CWC27: variants seen among roughly 807,000 people sequenced by gnomAD.
The protein encoded by CWC27 is spliceosome-associated protein CWC27 homolog.
Under a neutral mutation model 63.6 loss-of-function variants are expected in CWC27, and 47 were observed. The observed-to-expected ratio is 0.74, with a 90% confidence interval of 0.58 to 0.94. The LOEUF is 0.94. Among genes scored for constraint, CWC27 ranks in the 40% least tolerant of loss-of-function variants. The pLI is 0.00. For missense variants in CWC27, 495 were observed against 554.3 expected (o/e 0.89, Z 1.07); for synonymous variants, 175 against 179.8 (o/e 0.97, Z 0.22).
chr5:64,861,033 T>C (rs1188956106), intron 10 of CWC27, among the ~76,000 whole-genome samples: 1 of 152,138 alleles, frequency 6.6e-6, no homozygotes, highest in Admixed American at 6.5e-5. Context: ...GCTCCTCAAA[T>C]GGTTAGGAGC....
intron 11 of CWC27, among the ~76,000 whole-genome samples, chr5:64,951,357 G>A (rs1748705905): frequency 6.6e-6 from 1 of 151,698 alleles, no homozygotes; most frequent in African/African-American, 2.4e-5. Flanking sequence ...GCTTAAATCA[G>A]GTTGTCTTTT....
chr5:64,959,783 G>C (rs924503288), intron 11 of CWC27, among the ~76,000 whole-genome samples: 1 of 152,112 alleles, frequency 6.6e-6, no homozygotes, highest in South Asian at 2.1e-4. Context: ...TGTAATTCAG[G>C]ACCTAAAAAT....
At chr5:64,823,379 A>T (rs898554868) in intron 10 of CWC27, among the ~76,000 whole-genome samples, 1 of 152,218 alleles carries the variant, frequency 6.6e-6, no homozygotes, top group African/African-American at 2.4e-5. Context: ...TATTAAGCCT[A>T]TATGGCAACC....
At chr5:64,991,568 G>A (rs554897342) in intron 13 of CWC27, among the ~76,000 whole-genome samples, 27 of 152,066 alleles carry the variant, frequency 1.8e-4, no homozygotes, top group Admixed American at 3.3e-4. Context: ...CTACAAAACA[G>A]ATTTAAAATT....
At chr5:64,817,766 A>G (rs184202656) in intron 10 of CWC27, among the ~76,000 whole-genome samples, 6 of 152,260 alleles carry the variant, frequency 3.9e-5, no homozygotes, top group African/African-American at 1.4e-4. Flanking sequence ...ATATAGCTAT[A>G]CCATGAGTCT....
At chr5:64,979,741 T>C (rs1440370502) in intron 13 of CWC27, among the ~76,000 whole-genome samples, 2 of 152,208 alleles carry the variant, frequency 1.3e-5, no homozygotes, top group Non-Finnish European at 2.9e-5. Context: ...GGGTCTGTTA[T>C]CTGAGGTAAA....
intron 11 of CWC27, among the ~76,000 whole-genome samples, chr5:64,919,980 C>G (rs1747965626): frequency 6.6e-6 from 1 of 152,228 alleles, no homozygotes; most frequent in African/African-American, 2.4e-5. Context: ...TTTGAGAAAT[C>G]TCCACAATGC....
intron 10 of CWC27, among the ~76,000 whole-genome samples, chr5:64,872,273 C>T (rs1207931455): frequency 6.6e-6 from 1 of 152,126 alleles, no homozygotes; most frequent in African/African-American, 2.4e-5. Flanking sequence ...TGAATAGATG[C>T]TCATGATAGA....
chr5:64,769,171 C>T lies in CWC27; in HGVS notation c.25C>T (p.Pro9Ser). Residue 9 changes from proline to serine, a missense_variant, in exon 1 of 14, where the codon CCT becomes TCT. Transcript: ENST00000381070. ...GATGAGCAACATCTACATCCAGGAGCCTCCCACGAATGGGAAGGTGAGAGC... is the reference window on the plus strand; with the variant it reads ...GATGAGCAACATCTACATCCAGGAGTCTCCCACGAATGGGAAGGTGAGAGC... Reference protein sequence around the residue: MSNIYIQEPPTNGKVLLKT... With the variant: MSNIYIQESPTNGKVLLKT... 6.2e-7 allele frequency: 1 copy of T among 1,614,048 alleles called. No homozygotes were observed. Among genetic ancestry groups the T allele is most frequent in the Non-Finnish European group, 8.5e-7 (1 of 1,179,976 alleles).
chr5:64,941,843 G>T (rs1311716593), intron 11 of CWC27, among the ~76,000 whole-genome samples: 1 of 152,004 alleles, frequency 6.6e-6, no homozygotes, highest in Non-Finnish European at 1.5e-5. Context: ...CTCCAATTTG[G>T]AGGCTGAGAA....
Position 64,884,968 on chromosome 5 carries a change from T to A in CWC27, c.939-475T>A, listed in dbSNP as rs562119470. Among the ~76,000 whole-genome samples the A allele has an allele frequency of 7.2e-5, 11 of 152,238 alleles. No homozygotes were observed. In the East Asian group the frequency reaches 2.1e-3, roughly 29 times the overall value. On this transcript the variant is annotated intron_variant, in intron 10 of 13. Coordinates refer to ENST00000381070, the MANE Select transcript of CWC27 (RefSeq NM_005869.4). ...AACTTGGGTTTAAAAATCAAATGAG[T>A]TAAAAGTTTGTAGCGTGACACCTAC...
chr5:65,003,121 T>A (rs1749764775), intron 13 of CWC27, among the ~76,000 whole-genome samples: 1 of 152,220 alleles, frequency 6.6e-6, no homozygotes. Flanking sequence ...ACTGTTTGGT[T>A]TCTGTTTGTG....
At chr5:64,837,717 G>T (rs1385523046) in intron 10 of CWC27, among the ~76,000 whole-genome samples, 1 of 151,480 alleles carries the variant, frequency 6.6e-6, no homozygotes, top group African/African-American at 2.4e-5. Flanking sequence ...CCTCACGGGG[G>T]TCTCTCTTAT....
At chr5:65,008,672 C>T (rs996268679) in intron 13 of CWC27, among the ~76,000 whole-genome samples, 9 of 152,160 alleles carry the variant, frequency 5.9e-5, no homozygotes, top group Admixed American at 5.2e-4. Flanking sequence ...TTTTTGTTTA[C>T]TTTTTCTTCT....
At chr5:64,858,125 G>GA (rs1746301186) in intron 10 of CWC27, among the ~76,000 whole-genome samples, 2 of 84,498 alleles carry the variant, frequency 2.4e-5, no homozygotes, top group South Asian at 1.0e-3. Flanking sequence ...GCGACAGAGC[G>GA]AGACTCCGTC....
chr5:64,769,059 G>GT lies in CWC27; in HGVS notation c.-88_-87insT. 1.8e-6 allele frequency: 2 copies of GT among 1,081,122 alleles called. No individual in the cohort carries two copies. The highest frequency in any genetic ancestry group is 2.9e-6 in the Non-Finnish European group (2 of 700,484). 67.0% of individuals were successfully genotyped at this position (1,081,122 alleles called of 1,614,324 possible). A position where few individuals can be genotyped will look rare whatever the true frequency, so the allele number is the denominator to read the frequency against. On this transcript the variant is annotated 5_prime_UTR_variant, in exon 1 of 14. Coordinates refer to ENST00000381070, the MANE Select transcript of CWC27 (RefSeq NM_005869.4). ...GCTTTCCTGCACCACTGGACTTAAG[G>GT]AAGAGTGTACTCGTAGGCGGACAGC...
At chr5:64,980,641 C>A (rs931406934) in intron 13 of CWC27, among the ~76,000 whole-genome samples, 3 of 152,152 alleles carry the variant, frequency 2.0e-5, no homozygotes, top group Non-Finnish European at 4.4e-5. Context: ...GTATAATGGT[C>A]TGTCTGCCTT....
intron 11 of CWC27, among the ~76,000 whole-genome samples, chr5:64,946,491 C>T (rs1748594981): frequency 1.3e-5 from 2 of 152,100 alleles, no homozygotes; most frequent in Non-Finnish European, 2.9e-5. Context: ...AATAGATGTG[C>T]ATATTCACAA....
intron 9 of CWC27, among the ~76,000 whole-genome samples, chr5:64,801,989 A>G (rs1164611621): frequency 6.6e-6 from 1 of 152,208 alleles, no homozygotes; most frequent in African/African-American, 2.4e-5. Context: ...AAGGCTCTCT[A>G]TGGCTATCAG....
Sources: allele counts gnomAD v4.1 joint callset (sites outside exome capture counted in the v4.1 genomes callset), GRCh38; gene constraint gnomAD v4.1.1; transcripts MANE v1.5; gene names NCBI Gene and HGNC (gene_info 2026-07-23, HGNC 2026-07-21).